The following XRCC4 variants were observed in gnomAD, a reference collection of about 807,000 sequenced individuals.
XRCC4 encodes DNA repair protein XRCC4.
Under a neutral mutation model 39.1 loss-of-function variants are expected in XRCC4, and 28 were observed. That is an observed-to-expected ratio of 0.72 (90% confidence interval 0.53 to 0.98). The LOEUF (loss-of-function observed/expected upper bound fraction) is 0.98, where lower values mean the gene tolerates loss of function less well. Ranked by LOEUF, XRCC4 falls within the 50% of genes least tolerant of loss-of-function variation. XRCC4 has a pLI of 0.00. For missense variants in XRCC4, 350 were observed against 376.4 expected (o/e 0.93, Z 0.58); for synonymous variants, 123 against 126.4 (o/e 0.97, Z 0.18).
intron 6 of XRCC4, among the ~76,000 whole-genome samples, chr5:83,254,489 AATTG>A (rs1329798419): frequency 6.6e-6 from 1 of 152,158 alleles, no homozygotes; most frequent in Non-Finnish European, 1.5e-5. Flanking sequence ...ACTTAATACG[AATTG>A]ATTTTTTTAA....
At chr5:83,312,232 TCA>T (rs1755732570) in intron 7 of XRCC4, among the ~76,000 whole-genome samples, 1 of 152,330 alleles carries the variant, frequency 6.6e-6, no homozygotes, top group Non-Finnish European at 1.5e-5. Context: ...CTCAATAATT[TCA>T]CAGAGGAGAC....
rs1751101770 is a variant in XRCC4 at position 83,199,794 on chromosome 5, A to T, written c.483-3758A>T. Among the ~76,000 whole-genome samples, 4 of 151,882 alleles carry T rather than the reference A, an allele frequency of 2.6e-5. No individual in the cohort carries two copies. In the South Asian group the frequency reaches 8.3e-4, roughly 31 times the overall value. ...AAAAAAATTACTATTTTTTTGTCCAAGGTTTTAGATACCTCAGTGCTAGGT... is the reference window on the plus strand; with the variant it reads ...AAAAAAATTACTATTTTTTTGTCCATGGTTTTAGATACCTCAGTGCTAGGT... On this transcript the variant is annotated intron_variant, in intron 4 of 7. Transcript: ENST00000396027.
chr5:83,128,090 A>G (rs1747364733), intron 3 of XRCC4, among the ~76,000 whole-genome samples: 1 of 151,974 alleles, frequency 6.6e-6, no homozygotes, highest in South Asian at 2.1e-4. Context: ...CCTCATTTAC[A>G]TTAGGTATAT....
At chr5:83,166,621 G>A (rs1230706962) in intron 3 of XRCC4, among the ~76,000 whole-genome samples, 1 of 150,046 alleles carries the variant, frequency 6.7e-6, no homozygotes, top group Non-Finnish European at 1.5e-5. Context: ...GTGCCACCAC[G>A]CCTAGCTAAT....
At chr5:83,221,019 A>ATC (rs1448599833) in intron 6 of XRCC4, among the ~76,000 whole-genome samples, 2 of 152,066 alleles carry the variant, frequency 1.3e-5, no homozygotes, top group Non-Finnish European at 1.5e-5. Flanking sequence ...ATTGTCTTAG[A>ATC]TCTGGCTCAC....
At chr5:83,313,460 GT>G (rs909535354) in intron 7 of XRCC4, among the ~76,000 whole-genome samples, 8 of 151,866 alleles carry the variant, frequency 5.3e-5, no homozygotes, top group African/African-American at 1.5e-4. Context: ...TATTTATTGG[GT>G]TTTTTCCCCC....
chr5:83,132,744 G>C (rs1435230810), intron 3 of XRCC4, among the ~76,000 whole-genome samples: 2 of 151,738 alleles, frequency 1.3e-5, no homozygotes, highest in African/African-American at 4.8e-5. Context: ...GGTCATTTAA[G>C]GTCTCTTCTA....
chr5:83,366,627 C>T, the XRCC4 span, among the ~76,000 whole-genome samples: 15 of 152,152 alleles, frequency 9.9e-5, no homozygotes, highest in Non-Finnish European at 2.2e-4. Flanking sequence ...GCTTACAAGA[C>T]TCTGAGAATA....
intron 3 of XRCC4, among the ~76,000 whole-genome samples, chr5:83,177,147 G>GT (rs1165927547): frequency 1.3e-5 from 2 of 152,066 alleles, no homozygotes; most frequent in Non-Finnish European, 2.9e-5. Context: ...TAAATATGCT[G>GT]TTTTTTCTAC....
rs190825821 is a variant in XRCC4 at position 83,227,566 on chromosome 5, T to G, written c.745+22645T>G. 3.7e-3 allele frequency among the ~76,000 whole-genome samples: 568 copies of G among 152,224 alleles called. 1 individual carries two copies. Among genetic ancestry groups the G allele is most frequent in the Non-Finnish European group, 7.1e-3 (482 of 67,986 alleles). On this transcript the variant is annotated intron_variant, in intron 6 of 7. Coordinates refer to ENST00000396027, the MANE Select transcript of XRCC4 (RefSeq NM_003401.5). Reference sequence around the variant, plus strand: ...ACACTCTGCTTCATGAAACCCATTTTCAAGATCGTTATCTAAAGGTAGTTG... The same window carrying G: ...ACACTCTGCTTCATGAAACCCATTTGCAAGATCGTTATCTAAAGGTAGTTG...
Position 83,353,437 on chromosome 5 carries a change from A to G in XRCC4, c.*195A>G. The G allele has an allele frequency of 6.8e-6, 3 of 437,964 alleles. No homozygotes were observed. The highest frequency in any genetic ancestry group is 8.2e-5 in the Admixed American group (2 of 24,298). 27.1% of individuals were successfully genotyped at this position (437,964 alleles called of 1,614,324 possible). A position where few individuals can be genotyped will look rare whatever the true frequency, so the allele number is the denominator to read the frequency against. ...GATACGATTTGATGATGACACTGGCACATTATTCTAAACTATTCATTCAGC... is the reference window on the plus strand; with the variant it reads ...GATACGATTTGATGATGACACTGGCGCATTATTCTAAACTATTCATTCAGC... On this transcript the variant is annotated 3_prime_UTR_variant, in exon 8 of 8. Coordinates refer to ENST00000396027, the MANE Select transcript of XRCC4 (RefSeq NM_003401.5).
intron 6 of XRCC4, among the ~76,000 whole-genome samples, chr5:83,253,778 G>A (rs904600278): frequency 1.3e-5 from 2 of 152,120 alleles, no homozygotes; most frequent in Non-Finnish European, 2.9e-5. Flanking sequence ...TTTAACTTAG[G>A]AGATTCAGCC....
intron 7 of XRCC4, among the ~76,000 whole-genome samples, chr5:83,261,609 ATTTT>A (rs67245313): frequency 7.7e-6 from 1 of 129,560 alleles, no homozygotes; most frequent in Non-Finnish European, 1.7e-5. Flanking sequence ...CTATGGCTTA[ATTTT>A]TTTTTTTTTT....
intron 6 of XRCC4, among the ~76,000 whole-genome samples, chr5:83,250,869 A>G (rs1244656452): frequency 1.3e-5 from 2 of 152,238 alleles, no homozygotes; most frequent in African/African-American, 4.8e-5. Flanking sequence ...GAAAAGAAAA[A>G]TCGAAGCTTC....
At chr5:83,162,326 G>A (rs546415721) in intron 3 of XRCC4, among the ~76,000 whole-genome samples, 8 of 152,258 alleles carry the variant, frequency 5.3e-5, no homozygotes, top group African/African-American at 1.9e-4. Context: ...CCTGCTTGCT[G>A]TTGTCATTTT....
chr5:83,134,800 G>T (rs148802527), intron 3 of XRCC4, among the ~76,000 whole-genome samples: 2 of 152,050 alleles, frequency 1.3e-5, no homozygotes, highest in African/African-American at 4.8e-5. Context: ...CACTCACTGC[G>T]AAGTTCTGCA....
intron 7 of XRCC4, among the ~76,000 whole-genome samples, chr5:83,310,571 C>T (rs926958618): frequency 2.6e-5 from 4 of 152,070 alleles, no homozygotes; most frequent in African/African-American, 7.2e-5. Context: ...CATTTAATGC[C>T]TGGAATCTAT....
intron 7 of XRCC4, among the ~76,000 whole-genome samples, chr5:83,292,448 C>T (rs890534768): frequency 1.3e-5 from 2 of 151,814 alleles, no homozygotes; most frequent in African/African-American, 4.8e-5. Flanking sequence ...TATTCCTTAC[C>T]CACAAACTTA....
intron 3 of XRCC4, among the ~76,000 whole-genome samples, chr5:83,137,138 A>G (rs758337683): frequency 5.7e-4 from 87 of 152,354 alleles, no homozygotes; most frequent in Admixed American, 1.8e-3. Context: ...AAAAATTAAC[A>G]GAATCTAAGA....
Sources: allele counts gnomAD v4.1 joint callset (sites outside exome capture counted in the v4.1 genomes callset), GRCh38; gene constraint gnomAD v4.1.1; transcripts MANE v1.5; gene names NCBI Gene and HGNC (gene_info 2026-07-23, HGNC 2026-07-21).